Variants in GRID2 observed in about 807,000 individuals in gnomAD.
GRID2 encodes glutamate receptor ionotropic, delta-2.
GRID2 carries 33 observed loss-of-function variants against 114.8 expected under a neutral mutation model. The observed-to-expected ratio is 0.29, with a 90% confidence interval of 0.22 to 0.38. The LOEUF is 0.38. GRID2 is among the 10% of genes least tolerant of loss of function. The pLI, the probability that GRID2 is intolerant of heterozygous loss-of-function variation, is 1.00. For missense variants in GRID2, 1,184 were observed against 1,257.7 expected, an observed-to-expected ratio of 0.94 and a Z score of 0.89; for synonymous variants, 505 against 449.9, an observed-to-expected ratio of 1.12 and a Z score of -1.55.
intron 2 of GRID2, among the ~76,000 whole-genome samples, chr4:93,057,144 G>A (rs1274629310): frequency 1.4e-5 from 2 of 144,030 alleles, no homozygotes; most frequent in Non-Finnish European, 3.0e-5. Flanking sequence ...ACTGAAGTGT[G>A]TGAGTGTGTA....
chr4:93,386,852 T>C (rs1049897050), intron 8 of GRID2, among the ~76,000 whole-genome samples: 5 of 152,152 alleles, frequency 3.3e-5, no homozygotes, highest in African/African-American at 9.7e-5. Flanking sequence ...CAGAGGCTCC[T>C]GGAAAGGTTC....
rs535520282 is a variant in GRID2, at chr4:92,772,824, A to G, written c.244+182538A>G. ...TACTGTTTGTCATGGGACCTGTTGT[A>G]TGGTGAATAGCACAGTTTTACTTAT... On this transcript the variant is annotated intron_variant, in intron 2 of 15. Coordinates refer to ENST00000282020, the MANE Select transcript of GRID2 (RefSeq NM_001510.4). Among the ~76,000 whole-genome samples the G allele has an allele frequency of 9.2e-5, 14 of 152,294 alleles. No homozygotes were observed. In the South Asian group the frequency reaches 1.9e-3, roughly 20 times the overall value.
intron 2 of GRID2, among the ~76,000 whole-genome samples, chr4:92,979,150 C>T (rs1754040699): frequency 6.6e-6 from 1 of 151,880 alleles, no homozygotes; most frequent in African/African-American, 2.4e-5. Context: ...GGTCATTGTA[C>T]AAAATATTCC....
At chr4:92,777,606 G>T (rs1411644827) in intron 2 of GRID2, among the ~76,000 whole-genome samples, 1 of 151,830 alleles carries the variant, frequency 6.6e-6, no homozygotes, top group African/African-American at 2.4e-5. Flanking sequence ...ACCTCAACGT[G>T]ACTATATTTA....
At chr4:92,929,434 A>C (rs1221131692) in intron 2 of GRID2, among the ~76,000 whole-genome samples, 1 of 151,312 alleles carries the variant, frequency 6.6e-6, no homozygotes, top group Non-Finnish European at 1.5e-5. Context: ...AACTTATAAC[A>C]AGTGTAAGTA....
chr4:92,339,139 G>C (rs1727344362), intron 1 of GRID2, among the ~76,000 whole-genome samples: 1 of 151,926 alleles, frequency 6.6e-6, no homozygotes, highest in Non-Finnish European at 1.5e-5. Flanking sequence ...TAATTCTGTA[G>C]TCATTACCAT....
chr4:92,712,218 G>A lies in GRID2; in HGVS notation c.244+121932G>A, dbSNP rs554523169. Among the ~76,000 whole-genome samples the A allele has an allele frequency of 1.7e-3, 252 of 152,064 alleles. 1 individual carries two copies. Among genetic ancestry groups the A allele is most frequent in the Admixed American group, 5.9e-3 (90 of 15,266 alleles). On this transcript the variant is annotated intron_variant, in intron 2 of 15. Transcript: ENST00000282020. The stretch of plus-strand genomic sequence containing the variant: ...AATGAGTTATTCATATTGCTAATTG[G>A]TATATGTATTTTGTATTTACAATCG...
chr4:93,006,271 C>A (rs143753514), intron 2 of GRID2, among the ~76,000 whole-genome samples: 1 of 151,920 alleles, frequency 6.6e-6, no homozygotes, highest in Non-Finnish European at 1.5e-5. Flanking sequence ...GGCTCTGGAG[C>A]CCACACTGAA....
intron 1 of GRID2, among the ~76,000 whole-genome samples, chr4:92,486,946 T>C (rs1722928032): frequency 6.6e-6 from 1 of 151,972 alleles, no homozygotes; most frequent in Non-Finnish European, 1.5e-5. Context: ...TCATTAGATT[T>C]TGGTGTTCAT....
At chr4:92,363,237 A>G (rs761764510) in intron 1 of GRID2, among the ~76,000 whole-genome samples, 1 of 152,018 alleles carries the variant, frequency 6.6e-6, no homozygotes, top group Non-Finnish European at 1.5e-5. Context: ...CCCCATGTGA[A>G]TTGCTTTAGA....
chr4:92,648,195 G>T (rs1158970684), intron 2 of GRID2, among the ~76,000 whole-genome samples: 1 of 149,666 alleles, frequency 6.7e-6, no homozygotes, highest in Non-Finnish European at 1.5e-5. Context: ...GTCTAATTCA[G>T]TCCCTTTATC....
In GRID2 at chr4:92,308,648, A is replaced by G. The variant is rs73839281; in HGVS notation, c.88+3904A>G. 6.9e-3 allele frequency among the ~76,000 whole-genome samples: 1,058 copies of G among 152,284 alleles called. 9 individuals are homozygous for G. Among genetic ancestry groups the G allele is most frequent in the African/African-American group, 0.024 (1,018 of 41,572 alleles). ...AAAACAATAATAGATTGTAAATGTA[A>G]AATACCAGTTATTCTTACTTCTGCA... On this transcript the variant is annotated intron_variant, in intron 1 of 15. Coordinates refer to ENST00000282020, the MANE Select transcript of GRID2 (RefSeq NM_001510.4).
At chr4:92,423,254 A>G (rs1731993878) in intron 1 of GRID2, among the ~76,000 whole-genome samples, 1 of 152,184 alleles carries the variant, frequency 6.6e-6, no homozygotes, top group African/African-American at 2.4e-5. Context: ...AAAAAAGCAA[A>G]TGGAGTTAAG....
intron 8 of GRID2, among the ~76,000 whole-genome samples, chr4:93,303,779 T>G (rs981670050): frequency 5.3e-5 from 8 of 152,180 alleles, no homozygotes. Context: ...TTACCAACTA[T>G]GACTTACAGA....
At chr4:93,614,212 G>C (rs1270241923) in intron 13 of GRID2, among the ~76,000 whole-genome samples, 1 of 152,196 alleles carries the variant, frequency 6.6e-6, no homozygotes, top group Non-Finnish European at 1.5e-5. Context: ...CCCACTGTCT[G>C]GCACTCCCTA....
At chr4:93,310,037 A>G (rs1239384656) in intron 8 of GRID2, among the ~76,000 whole-genome samples, 1 of 152,148 alleles carries the variant, frequency 6.6e-6, no homozygotes, top group African/African-American at 2.4e-5. Context: ...GGCTCCCCTG[A>G]TATTCCACTA....
At chr4:92,823,134 T>C (rs1347652430) in intron 2 of GRID2, 1 of 152,184 alleles carries the variant, frequency 6.6e-6, no homozygotes, top group Non-Finnish European at 1.5e-5. Context: ...AGAAGGTAAT[T>C]ATGTACAAAA....
intron 1 of GRID2, among the ~76,000 whole-genome samples, chr4:93,784,645 T>TACAC (rs59896203): frequency 0.041 from 6,026 of 147,454 alleles, 174 homozygotes; most frequent in Admixed American, 0.078. Flanking sequence ...GTCCTTTTTA[T>TACAC]ACACACACAC....
At chr4:93,400,689 AT>A (rs1231654830) in intron 9 of GRID2, among the ~76,000 whole-genome samples, 1 of 152,102 alleles carries the variant, frequency 6.6e-6, no homozygotes, top group Non-Finnish European at 1.5e-5. Flanking sequence ...AGAACCATAA[AT>A]TGGCATTTGG....
Sources: allele counts gnomAD v4.1 joint callset (sites outside exome capture counted in the v4.1 genomes callset), GRCh38; gene constraint gnomAD v4.1.1; transcripts MANE v1.5; gene names NCBI Gene and HGNC (gene_info 2026-07-23, HGNC 2026-07-21).